TNFAIP8: variants seen among roughly 807,000 people sequenced by gnomAD.
TNFAIP8 encodes tumor necrosis factor alpha-induced protein 8.
A neutral mutation model predicts 13.3 loss-of-function variants in TNFAIP8; 7 were observed. The ratio of observed to expected loss-of-function variants is 0.52; its 90% CI spans 0.30 to 0.99. TNFAIP8 has a LOEUF of 0.99. Ranked by LOEUF, TNFAIP8 falls within the 50% of genes least tolerant of loss-of-function variation. The pLI is 0.07. For synonymous variants in TNFAIP8, 94 were observed against 87.6 expected (o/e 1.07, Z -0.41); for missense variants, 258 against 236.9 (o/e 1.09, Z -0.58).
At chr5:119,292,071 C>G (rs569993179) in intron 1 of TNFAIP8, among the ~76,000 whole-genome samples, 1 of 152,162 alleles carries the variant, frequency 6.6e-6, no homozygotes, top group Non-Finnish European at 1.5e-5. Context: ...CACAGAATGC[C>G]AGGAAGGCTC....
In TNFAIP8 at chr5:119,397,834, C is replaced by T. The variant is rs1371368277; in HGVS notation, c.*4453C>T. 6.6e-6 allele frequency: 1 copy of T among 152,150 alleles called. No homozygotes were observed. Among genetic ancestry groups the T allele is most frequent in the East Asian group, 1.9e-4 (1 of 5,208 alleles). 9.4% of individuals were successfully genotyped at this position (152,150 alleles called of 1,614,324 possible). A position where few individuals can be genotyped will look rare whatever the true frequency, so the allele number is the denominator to read the frequency against. On this transcript the variant is annotated 3_prime_UTR_variant, in exon 2 of 2. Transcript: ENST00000504771. ...CACGGTCACTTATGTATACCCAAAG[C>T]CAGAAAGATATTTTTATCTCAGGGA...
intron 1 of TNFAIP8, chr5:119,268,962 C>A: frequency 1.5e-6 from 1 of 671,418 alleles, no homozygotes; most frequent in Non-Finnish European, 2.7e-6. Context: ...GCCTCTCCCG[C>A]CGCTGGGCTG....
chr5:119,333,932 G>A (rs971338789), intron 1 of TNFAIP8, among the ~76,000 whole-genome samples: 2 of 152,024 alleles, frequency 1.3e-5, no homozygotes, highest in Admixed American at 6.5e-5. Flanking sequence ...TTCAGAGATG[G>A]GACTCTGAAA....
At chr5:119,269,434 ATGTGTGTGTGTG>A (rs113644241) in intron 1 of TNFAIP8, among the ~76,000 whole-genome samples, 1 of 151,236 alleles carries the variant, frequency 6.6e-6, no homozygotes, top group Non-Finnish European at 1.5e-5. Flanking sequence ...GAGGAAGAAA[ATGTGTGTGTGTG>A]TGTGTATGTG....
intron 1 of TNFAIP8, among the ~76,000 whole-genome samples, chr5:119,367,110 CTTAA>C (rs1751888827): frequency 6.6e-6 from 1 of 152,142 alleles, no homozygotes; most frequent in Admixed American, 6.5e-5. Context: ...TCTTGCAATC[CTTAA>C]TTGTTTTCCT....
chr5:119,356,072 A>G lies in TNFAIP8; in HGVS notation c.-19A>G, dbSNP rs775400441. The G allele has an allele frequency of 2.5e-6, 4 of 1,578,052 alleles. No homozygotes were observed. The highest frequency in any genetic ancestry group is 1.7e-4 in the Middle Eastern group (1 of 6,008). On this transcript the variant is annotated 5_prime_UTR_variant, in exon 1 of 2. Transcript: ENST00000504771. The stretch of plus-strand genomic sequence containing the variant: ...ACATGTGAGCGGTAATCGCCCCTGC[A>G]GCTGGTTATCCTGACATTATGCACT...
intron 1 of TNFAIP8, among the ~76,000 whole-genome samples, chr5:119,367,957 A>G (rs1297647235): frequency 2.0e-5 from 3 of 152,222 alleles, no homozygotes. Context: ...TTGAATAGTC[A>G]TGAGAATCAG....
intron 1 of TNFAIP8, among the ~76,000 whole-genome samples, chr5:119,362,356 C>A (rs1210467121): frequency 6.6e-6 from 1 of 152,168 alleles, no homozygotes. Flanking sequence ...AGTCTAGAAG[C>A]TGGACTTTCC....
At chr5:119,369,345 C>T (rs1268964108) in intron 1 of TNFAIP8, among the ~76,000 whole-genome samples, 4 of 152,170 alleles carry the variant, frequency 2.6e-5, no homozygotes, top group Non-Finnish European at 5.9e-5. Flanking sequence ...TGAGCCACCG[C>T]ACCTGGCCCA....
rs78536980 is a variant in TNFAIP8 at position 119,390,348 on chromosome 5, T to C, written c.32-2468T>C. ...GAGGTCTATATCAGGAGTTCTAAGA[T>C]GAAATATGGTCCCTGGTTTTAATGT... On this transcript the variant is annotated intron_variant, in intron 1 of 1. Coordinates refer to ENST00000504771, the MANE Select transcript of TNFAIP8 (RefSeq NM_014350.4). 3.1e-3 allele frequency among the ~76,000 whole-genome samples: 468 copies of C among 152,304 alleles called. 4 individuals are homozygous for C. Among genetic ancestry groups the C allele is most frequent in the East Asian group, 0.024 (124 of 5,184 alleles).
At position 119,293,180 on chromosome 5, in the gene TNFAIP8, G is replaced by A. The variant is rs554023167; in HGVS notation, c.1+24273G>A. Among the ~76,000 whole-genome samples, 3 of 151,932 alleles carry A rather than the reference G, an allele frequency of 2.0e-5. No homozygotes were observed. In the South Asian group the frequency reaches 6.2e-4, roughly 31 times the overall value. On this transcript the variant is annotated intron_variant, in intron 1 of 1. Transcript: ENST00000274456. ...TCAAGCCATTTAACACATGCATTAC[G>A]TCACATCCCTTTTTTTTCATATGTG... is the stretch of plus-strand genomic sequence containing the variant.
chr5:119,397,154 A>AG lies in TNFAIP8; in HGVS notation c.*3773_*3774insG, dbSNP rs1753093817. ...ACACACACACACACACACACACACA[A>AG]TTTTTAAGCCCCCAAAGGCTTAAAA... is the stretch of plus-strand genomic sequence containing the variant. On this transcript the variant is annotated 3_prime_UTR_variant, in exon 2 of 2. Transcript: ENST00000504771. 2.1e-5 allele frequency: 3 copies of AG among 144,910 alleles called. No individual in the cohort carries two copies. Among genetic ancestry groups the AG allele is most frequent in the Non-Finnish European group, 3.1e-5 (2 of 65,396 alleles). The allele number at this position is 144,910 out of a possible 1,614,324, so 9.0% of individuals were successfully genotyped here. A position where few individuals can be genotyped will look rare whatever the true frequency, so the allele number is the denominator to read the frequency against.
chr5:119,352,158 C>T (rs1379531757), upstream of TNFAIP8, among the ~76,000 whole-genome samples: 1 of 152,116 alleles, frequency 6.6e-6, no homozygotes, highest in East Asian at 1.9e-4. Flanking sequence ...GAGAGATACC[C>T]ACTTAGGCTT....
At chr5:119,386,651 G>T (rs745928007) in intron 1 of TNFAIP8, among the ~76,000 whole-genome samples, 2 of 152,184 alleles carry the variant, frequency 1.3e-5, no homozygotes, top group Admixed American at 6.5e-5. Context: ...CAGAGTGAAT[G>T]ACTTAGCTTG....
chr5:119,392,636 GC>G (rs1752935420), intron 1 of TNFAIP8, among the ~76,000 whole-genome samples, 179 bp from the exon 2 acceptor site: 1 of 152,214 alleles, frequency 6.6e-6, no homozygotes, highest in Non-Finnish European at 1.5e-5. Context: ...ACAGGTGTGA[GC>G]CACTCCACCC....
At chr5:119,301,427 A>G (rs1042951770) in intron 1 of TNFAIP8, among the ~76,000 whole-genome samples, 2 of 152,090 alleles carry the variant, frequency 1.3e-5, no homozygotes, top group African/African-American at 2.4e-5. Context: ...ATCATCTCCT[A>G]TGGGAAGCCT....
chr5:119,359,674 G>A (rs575144992), intron 1 of TNFAIP8, among the ~76,000 whole-genome samples: 101 of 152,208 alleles, frequency 6.6e-4, no homozygotes, highest in Admixed American at 3.5e-3. Flanking sequence ...AACCTCACAT[G>A]GTGTGGCAGC....
chr5:119,327,371 T>C (rs780686452), intron 1 of TNFAIP8, among the ~76,000 whole-genome samples: 1 of 152,206 alleles, frequency 6.6e-6, no homozygotes, highest in Non-Finnish European at 1.5e-5. Context: ...GTGCTTTTCT[T>C]AGGGGAAAAA....
chr5:119,383,000 C>T (rs1310038676), intron 1 of TNFAIP8, among the ~76,000 whole-genome samples: 1 of 152,226 alleles, frequency 6.6e-6, no homozygotes, highest in Non-Finnish European at 1.5e-5. Context: ...TTCTTTATTG[C>T]ACTAATCCTC....
Sources: gnomAD v4.1 joint callset for allele counts (sites outside exome capture counted in the v4.1 genomes callset) on GRCh38, gnomAD v4.1.1 for gene constraint, MANE v1.5 for transcripts, NCBI Gene and HGNC (gene_info 2026-07-23, HGNC 2026-07-21) for gene names.